Variants in SLC34A2 observed in about 807,000 individuals in gnomAD.
SLC34A2 encodes the protein solute carrier family 34 member 2.
SLC34A2 carries 41 observed loss-of-function variants against 50.8 expected under a neutral mutation model. The ratio of observed to expected loss-of-function variants is 0.81; its 90% CI spans 0.63 to 1.05. The LOEUF (loss-of-function observed/expected upper bound fraction) is 1.05. Among genes scored for constraint, SLC34A2 ranks in the 50% least tolerant of loss-of-function variants. SLC34A2 has a pLI of 0.00. For missense variants in SLC34A2, 879 were observed against 876.7 expected (o/e 1.00, Z -0.03); for synonymous variants, 401 against 364.2 (o/e 1.10, Z -1.15).
chr4:25,671,754 C>A (rs544640655), intron 9 of SLC34A2, 33 bp downstream of exon 9: 2 of 1,613,992 alleles, frequency 1.2e-6, no homozygotes, highest in African/African-American at 1.3e-5. Context: ...GCCACTATGA[C>A]AGGTGTTGTC....
Position 25,674,584 on chromosome 4 carries a change from G to C in SLC34A2, c.1413G>C (p.Leu471=), listed in dbSNP as rs745905051. The change falls in exon 12 of 13, where the codon CTG becomes CTC. Residue 471 remains leucine (L), a synonymous_variant. Coordinates refer to ENST00000382051, the MANE Select transcript of SLC34A2 (RefSeq NM_006424.3). ...TCGGCACCACCACCACCGCCATCCT[G>C]GCCGCCTTAGCCAGCCCTGGCAATG... ...SNIGTTTTAI[L]AALASPGNAL... 2.5e-6 allele frequency: 4 copies of C among 1,614,242 alleles called. No individual in the cohort carries two copies. In the Admixed American group the frequency reaches 6.7e-5, roughly 27 times the overall value.
chr4:25,666,050 C>G (rs1714479836), intron 4 of SLC34A2, 78 bp from the exon 5 acceptor site: 3 of 1,581,306 alleles, frequency 1.9e-6, no homozygotes, highest in Non-Finnish European at 2.6e-6. Flanking sequence ...TGGATGGAGA[C>G]TTCTGTTTAC....
intron 1 of SLC34A2, among the ~76,000 whole-genome samples, chr4:25,658,981 A>G (rs950377655): frequency 6.9e-6 from 1 of 144,438 alleles, no homozygotes; most frequent in Non-Finnish European, 1.5e-5. Context: ...CATTTCCAGC[A>G]TCTGAATGAT....
intron 8 of SLC34A2, among the ~76,000 whole-genome samples, chr4:25,671,113 T>G (rs1714789925): frequency 6.6e-6 from 1 of 152,226 alleles, no homozygotes; most frequent in Non-Finnish European, 1.5e-5. Context: ...AAGGCTTAGC[T>G]CTGCCTGCCG....
In SLC34A2 at chr4:25,676,428, G is replaced by A. The variant is rs150425667; in HGVS notation, c.1752G>A (p.Pro584=). The change falls in exon 13 of 13, where the codon CCG becomes CCA. Residue 584 remains proline (P), a synonymous_variant. Coordinates refer to ENST00000382051, the MANE Select transcript of SLC34A2 (RefSeq NM_006424.3). ...LLQSRCPRVL[P]KKLQNWNFLP... ...AGTCTCGCTGCCCACGCGTCCTGCC[G>A]AAGAAACTCCAGAACTGGAACTTCC... 19 of 1,614,006 alleles carry A rather than the reference G, an allele frequency of 1.2e-5. No homozygotes were observed. In the Admixed American group the frequency reaches 2.0e-4, roughly 17 times the overall value.
intron 1 of SLC34A2, among the ~76,000 whole-genome samples, chr4:25,662,152 G>T (rs897696406): frequency 6.6e-6 from 1 of 152,214 alleles, no homozygotes; most frequent in African/African-American, 2.4e-5. Context: ...GATTACAGGC[G>T]TGAGCCACGG....
At chr4:25,673,745 C>A (rs971169988) in intron 10 of SLC34A2, among the ~76,000 whole-genome samples, 6 of 152,154 alleles carry the variant, frequency 3.9e-5, no homozygotes, top group Non-Finnish European at 1.5e-5. Context: ...CCAATGACAT[C>A]ATCACTTCAT....
intron 3 of SLC34A2, among the ~76,000 whole-genome samples, chr4:25,663,213 C>G (rs895494243): frequency 6.6e-6 from 1 of 152,162 alleles, no homozygotes; most frequent in Non-Finnish European, 1.5e-5. Context: ...CTCGACCTTC[C>G]AAAGTGCTGA....
intron 6 of SLC34A2, among the ~76,000 whole-genome samples, chr4:25,669,024 C>A (rs184165770): frequency 2.0e-5 from 3 of 151,606 alleles, no homozygotes; most frequent in Non-Finnish European, 2.9e-5. Context: ...CAGATGGATG[C>A]AAAATGTTTT....
Position 25,676,876 on chromosome 4 carries a change from C to A in SLC34A2, c.*127C>A. 1.5e-6 allele frequency: 2 copies of A among 1,338,160 alleles called. No homozygotes were observed. The highest frequency in any genetic ancestry group is 1.3e-5 in the South Asian group (1 of 77,574). 82.9% of individuals were successfully genotyped at this position (1,338,160 alleles called of 1,614,324 possible). A position where few individuals can be genotyped will look rare whatever the true frequency, so the allele number is the denominator to read the frequency against. ...TCCCCATTAGCGAATGAAATTGATG[C>A]AGTCCTACCTAACTCGATTCCCTTT... On this transcript the variant is annotated 3_prime_UTR_variant, in exon 13 of 13. Transcript: ENST00000382051.
At chr4:25,663,158 G>T (rs1341972513) in intron 3 of SLC34A2, among the ~76,000 whole-genome samples, 1 of 152,046 alleles carries the variant, frequency 6.6e-6, no homozygotes, top group African/African-American at 2.4e-5. Context: ...GTTTCACCAT[G>T]TTGGCCAGGC....
At chr4:25,675,031 A>G (rs1287405492) in intron 12 of SLC34A2, among the ~76,000 whole-genome samples, 1 of 151,976 alleles carries the variant, frequency 6.6e-6, no homozygotes, top group East Asian at 1.9e-4. Context: ...TTATTTATTT[A>G]TTTTTATTTT....
chr4:25,662,519 T>A lies in SLC34A2; in HGVS notation c.19T>A (p.Leu7Met). ...ACAGACCATGGCTCCCTGGCCTGAA[T>A]TGGGAGATGCCCAGCCCAACCCCGA... MAPWPE[L>M]GDAQPNPDKY... The change falls in exon 2 of 13, where the codon TTG (leucine) becomes ATG (methionine). Residue 7 changes from leucine (L) to methionine (M), a missense_variant. Coordinates refer to ENST00000382051, the MANE Select transcript of SLC34A2 (RefSeq NM_006424.3). The A allele has an allele frequency of 6.2e-7, 1 of 1,614,084 alleles. No homozygotes were observed. Among genetic ancestry groups the A allele is most frequent in the Non-Finnish European group, 8.5e-7 (1 of 1,180,014 alleles).
chr4:25,670,997 C>T (rs1714786262), intron 8 of SLC34A2, among the ~76,000 whole-genome samples, 164 bp downstream of exon 8: 1 of 152,124 alleles, frequency 6.6e-6, no homozygotes, highest in Non-Finnish European at 1.5e-5. Flanking sequence ...AAAACAAGTC[C>T]TTGAATGAAT....
chr4:25,666,437 A>C (rs111962401), intron 5 of SLC34A2, among the ~76,000 whole-genome samples, 166 bp downstream of exon 5: 1,684 of 152,180 alleles, frequency 0.011, 41 homozygotes, highest in African/African-American at 0.036. Flanking sequence ...ATCCAAGGCA[A>C]CTTCCTGTTT....
chr4:25,660,962 AG>A, intron 1 of SLC34A2, among the ~76,000 whole-genome samples: 1 of 152,362 alleles, frequency 6.6e-6, no homozygotes, highest in South Asian at 2.1e-4. Context: ...CTAATGTCAA[AG>A]AACAAGGACT....
chr4:25,673,367 T>C, intron 10 of SLC34A2, 113 bp downstream of exon 10: 1 of 1,052,598 alleles, frequency 9.5e-7, no homozygotes, highest in South Asian at 1.3e-5. Context: ...TCTCTCAGAT[T>C]GGATCAGCAC....
chr4:25,661,050 G>C (rs946384626), intron 1 of SLC34A2, among the ~76,000 whole-genome samples: 1 of 152,276 alleles, frequency 6.6e-6, no homozygotes, highest in Non-Finnish European at 1.5e-5. Context: ...ATTGTAAGAA[G>C]GTCTTTTCTG....
intron 9 of SLC34A2, 67 bp downstream of exon 9, chr4:25,671,788 T>A: frequency 6.2e-7 from 1 of 1,610,612 alleles, no homozygotes; most frequent in Non-Finnish European, 8.5e-7. Flanking sequence ...TTTATCCGTG[T>A]GAAGTCCCAG....
Sources: allele counts gnomAD v4.1 joint callset (sites outside exome capture counted in the v4.1 genomes callset), GRCh38; gene constraint gnomAD v4.1.1; transcripts MANE v1.5; gene names NCBI Gene and HGNC (gene_info 2026-07-23, HGNC 2026-07-21).